Variants in TAB2 observed in about 807,000 individuals in gnomAD.
The protein encoded by TAB2 is TGF-beta activated kinase 1 (MAP3K7) binding protein 2, also known as TGF-beta-activated kinase 1 and MAP3K7-binding protein 2.
Under a neutral mutation model 65.0 loss-of-function variants are expected in TAB2, and 3 were observed. That is an observed-to-expected ratio of 0.05 (90% CI 0.02 to 0.12). The LOEUF (loss-of-function observed/expected upper bound fraction) is 0.12. Ranked by LOEUF, TAB2 falls within the 10% of genes least tolerant of loss-of-function variation. TAB2 has a pLI of 1.00. For synonymous variants in TAB2, 298 were observed against 285.1 expected (o/e 1.05, Z -0.46); for missense variants, 623 against 840.3 (o/e 0.74, Z 3.20).
At chr6:149,278,177 C>A (rs141426284) in intron 1 of TAB2, among the ~76,000 whole-genome samples, 1 of 152,180 alleles carries the variant, frequency 6.6e-6, no homozygotes, top group Non-Finnish European at 1.5e-5. Context: ...ATTATCATTC[C>A]AAGCAACATA....
chr6:149,396,261 AC>A (rs1782165570), intron 3 of TAB2, among the ~76,000 whole-genome samples: 1 of 152,024 alleles, frequency 6.6e-6, no homozygotes, highest in Admixed American at 6.6e-5. Flanking sequence ...CAGATGATCC[AC>A]CCTTCTCGGC....
chr6:149,395,601 G>A (rs2114936178), intron 3 of TAB2, among the ~76,000 whole-genome samples: 1 of 152,118 alleles, frequency 6.6e-6, no homozygotes, highest in East Asian at 1.9e-4. Context: ...TGCACTTCCA[G>A]TGTATTGTTA....
chr6:149,279,842 TCTTATCAA>T, intron 1 of TAB2, among the ~76,000 whole-genome samples: 1 of 152,318 alleles, frequency 6.6e-6, no homozygotes, highest in Admixed American at 6.5e-5. Context: ...AACTTGTTTT[TCTTATCAA>T]AACCTATTTC....
At chr6:149,298,060 TAG>T (rs1302091195) in intron 1 of TAB2, among the ~76,000 whole-genome samples, 1 of 152,112 alleles carries the variant, frequency 6.6e-6, no homozygotes, top group Non-Finnish European at 1.5e-5. Flanking sequence ...GCCTAAAAAG[TAG>T]AGTCACCAAC....
intron 1 of TAB2, among the ~76,000 whole-genome samples, chr6:149,294,571 T>A (rs1029466903): frequency 2.0e-5 from 3 of 152,250 alleles, no homozygotes; most frequent in African/African-American, 7.2e-5. Context: ...GCTCTTTTCA[T>A]AAGCAAAGTA....
chr6:149,388,702 A>G (rs1562448244), intron 3 of TAB2, among the ~76,000 whole-genome samples: 1 of 152,148 alleles, frequency 6.6e-6, no homozygotes, highest in Non-Finnish European at 1.5e-5. Flanking sequence ...TTGAGGTTGA[A>G]CATCTTTTCA....
intron 3 of TAB2, among the ~76,000 whole-genome samples, chr6:149,384,008 CG>C (rs1363779139): frequency 6.6e-6 from 1 of 152,166 alleles, no homozygotes; most frequent in Non-Finnish European, 1.5e-5. Flanking sequence ...AGTTACTAAA[CG>C]GGGTGGCCTG....
chr6:149,325,479 A>G (rs1163154678), intron 1 of TAB2, among the ~76,000 whole-genome samples: 3 of 152,240 alleles, frequency 2.0e-5, no homozygotes, highest in Non-Finnish European at 4.4e-5. Context: ...GATGAAACAA[A>G]CAAAACATCA....
intron 1 of TAB2, among the ~76,000 whole-genome samples, chr6:149,277,103 G>C (rs1217606194): frequency 6.6e-6 from 1 of 152,156 alleles, no homozygotes; most frequent in African/African-American, 2.4e-5. Context: ...TACCGTGATT[G>C]TCAGGCCTCC....
rs1554254206 is a variant in TAB2 at position 149,253,634 on chromosome 6, A to AAG, written c.-121+34859_-121+34860insGA. The stretch of plus-strand genomic sequence containing the variant: ...GACTGTCTCAAAAAAAAAAAAAAAA[A>AAG]AAAAGAAAGCCAGGCATGATGGCTC... On this transcript the variant is annotated intron_variant, in intron 1 of 1. Transcript: ENST00000606202. Among the ~76,000 whole-genome samples, 29 of 146,074 alleles carry AAG rather than the reference A, an allele frequency of 2.0e-4. 1 individual carries two copies. Among genetic ancestry groups the AAG allele is most frequent in the South Asian group, 6.5e-4 (3 of 4,630 alleles).
intron 1 of TAB2, among the ~76,000 whole-genome samples, chr6:149,285,539 A>G (rs1301125325): frequency 6.6e-6 from 1 of 152,210 alleles, no homozygotes; most frequent in Non-Finnish European, 1.5e-5. Flanking sequence ...GAATCCTTCC[A>G]CCACATAAGG....
chr6:149,319,638 C>T (rs1291873122), intron 1 of TAB2, among the ~76,000 whole-genome samples: 1 of 152,152 alleles, frequency 6.6e-6, no homozygotes, highest in Admixed American at 6.5e-5. Flanking sequence ...GGTTTTTCCC[C>T]CATAGGTCTA....
intron 1 of TAB2, among the ~76,000 whole-genome samples, chr6:149,353,892 G>C (rs1257597624): frequency 6.6e-6 from 1 of 152,006 alleles, no homozygotes; most frequent in Non-Finnish European, 1.5e-5. Flanking sequence ...GTGTATTTGT[G>C]TGTGTATACA....
At chr6:149,334,032 G>C (rs1275726082) in intron 1 of TAB2, among the ~76,000 whole-genome samples, 2 of 152,158 alleles carry the variant, frequency 1.3e-5, no homozygotes, top group Non-Finnish European at 2.9e-5. Context: ...ATTTGACCTA[G>C]TGCCTAGCAC....
chr6:149,267,013 A>G (rs1329815548), intron 1 of TAB2, among the ~76,000 whole-genome samples: 1 of 152,310 alleles, frequency 6.6e-6, no homozygotes, highest in African/African-American at 2.4e-5. Context: ...ATTTTAGAAG[A>G]TTAAAGTAGG....
At chr6:149,331,360 C>A (rs987013268) in intron 1 of TAB2, among the ~76,000 whole-genome samples, 12 of 152,090 alleles carry the variant, frequency 7.9e-5, no homozygotes, top group Admixed American at 7.9e-4. Flanking sequence ...TCCAATTGTT[C>A]ATGTCTAATA....
chr6:149,338,206 A>T (rs1779992195), intron 1 of TAB2, among the ~76,000 whole-genome samples: 1 of 152,220 alleles, frequency 6.6e-6, no homozygotes, highest in African/African-American at 2.4e-5. Flanking sequence ...TATTCACAGT[A>T]AGTGGGCTAA....
chr6:149,225,924 G>C (rs1197086058), intron 1 of TAB2, among the ~76,000 whole-genome samples: 1 of 151,880 alleles, frequency 6.6e-6, no homozygotes, highest in Non-Finnish European at 1.5e-5. Context: ...AAAAGTTCAA[G>C]CAGAATAAGC....
chr6:149,225,756 C>T (rs1375548752), intron 1 of TAB2, among the ~76,000 whole-genome samples: 1 of 152,128 alleles, frequency 6.6e-6, no homozygotes, highest in African/African-American at 2.4e-5. Flanking sequence ...GCCATTCTTC[C>T]TGCTGGAGGC....
Sources: gnomAD v4.1 joint callset for allele counts (sites outside exome capture counted in the v4.1 genomes callset) on GRCh38, gnomAD v4.1.1 for gene constraint, MANE v1.5 for transcripts, NCBI Gene and HGNC (gene_info 2026-07-23, HGNC 2026-07-21) for gene names.